The following PRMT3 variants were observed in gnomAD, a reference collection of about 807,000 sequenced individuals.
PRMT3 encodes the protein protein arginine N-methyltransferase 3.
PRMT3 carries 62 observed loss-of-function variants against 71.9 expected under a neutral mutation model. That is an observed-to-expected ratio of 0.86 (90% CI 0.70 to 1.07). The LOEUF is 1.07. PRMT3 is among the 50% of genes least tolerant of loss of function. The probability of loss-of-function intolerance (pLI) is 0.00; values close to 1 mark genes in which losing one functional copy is unlikely to be tolerated. For synonymous variants in PRMT3, 213 were observed against 220.4 expected, an observed-to-expected ratio of 0.97 and a Z score of 0.30; for missense variants, 663 against 643.0, an observed-to-expected ratio of 1.03 and a Z score of -0.34.
Position 20,397,735 on chromosome 11 carries a change from A to G in PRMT3, c.705+14A>G. The G allele has an allele frequency of 5.0e-6, 8 of 1,612,966 alleles. No individual in the cohort carries two copies. The highest frequency in any genetic ancestry group is 6.8e-6 in the Non-Finnish European group (8 of 1,179,462). On this transcript the variant is annotated intron_variant, in intron 7 of 15. Transcript: ENST00000331079. Reference sequence around the variant, plus strand: ...GAAATGCTAAAGGTTAGAAAAGAACACAAATGCGTCAAATCCATACTAAAG... The same window carrying G: ...GAAATGCTAAAGGTTAGAAAAGAACGCAAATGCGTCAAATCCATACTAAAG...
At chr11:20,399,417 C>T (rs1848900722) in intron 7 of PRMT3, among the ~76,000 whole-genome samples, 1 of 152,056 alleles carries the variant, frequency 6.6e-6, no homozygotes. Context: ...TAGGTAATGG[C>T]ATAACATTAT....
intron 13 of PRMT3, among the ~76,000 whole-genome samples, chr11:20,490,502 C>T (rs964864578): frequency 2.6e-4 from 39 of 151,442 alleles, no homozygotes; most frequent in Admixed American, 1.1e-3. Flanking sequence ...TGTGGCTGGA[C>T]GTGGTGGCTC....
intron 10 of PRMT3, among the ~76,000 whole-genome samples, chr11:20,450,688 C>A (rs534432514): frequency 7.2e-5 from 11 of 152,222 alleles, no homozygotes; most frequent in African/African-American, 2.2e-4. Flanking sequence ...GAGTTGCCGG[C>A]AATTCAGTTC....
intron 9 of PRMT3, among the ~76,000 whole-genome samples, chr11:20,413,886 T>A (rs1849247265): frequency 6.6e-6 from 1 of 152,128 alleles, no homozygotes. Context: ...GGCTCTAAGT[T>A]GTCCTTATCC....
Position 20,464,443 on chromosome 11 carries a change from T to C in PRMT3, c.1261-17T>C. The stretch of plus-strand genomic sequence containing the variant: ...TATTTTTACTAAGCTCTTTCTTCAC[T>C]TCTTTTTAATGGGTAGCATATAGAT... On this transcript the variant is annotated splice_polypyrimidine_tract_variant and intron_variant, in intron 12 of 15. Transcript: ENST00000331079. The C allele has an allele frequency of 1.3e-6, 2 of 1,570,850 alleles. No individual in the cohort carries two copies. The highest frequency in any genetic ancestry group is 2.4e-5 in the South Asian group (2 of 83,018).
intron 13 of PRMT3, among the ~76,000 whole-genome samples, chr11:20,466,207 AT>A (rs1447824070): frequency 6.6e-6 from 1 of 152,148 alleles, no homozygotes; most frequent in Non-Finnish European, 1.5e-5. Flanking sequence ...AAACTGAGAG[AT>A]TTGTTAGAGG....
intron 8 of PRMT3, chr11:20,405,798 T>G (rs1424614209): frequency 6.6e-6 from 1 of 152,224 alleles, no homozygotes; most frequent in East Asian, 1.9e-4. Flanking sequence ...GTGTTTTTTC[T>G]TATGGTAAAT....
chr11:20,507,429 T>C (rs1333306929), intron 15 of PRMT3, among the ~76,000 whole-genome samples: 3 of 150,170 alleles, frequency 2.0e-5, no homozygotes, highest in African/African-American at 7.4e-5. Flanking sequence ...TTTACTCACT[T>C]TCACAAGGAT....
chr11:20,449,151 A>T (rs1389000178), intron 10 of PRMT3, among the ~76,000 whole-genome samples: 1 of 152,178 alleles, frequency 6.6e-6, no homozygotes, highest in Non-Finnish European at 1.5e-5. Flanking sequence ...TACGTATGTG[A>T]ATCTTTTCAT....
intron 9 of PRMT3, among the ~76,000 whole-genome samples, chr11:20,420,497 A>G (rs1268521955): frequency 6.6e-6 from 1 of 152,148 alleles, no homozygotes; most frequent in Non-Finnish European, 1.5e-5. Context: ...TAATCGTCTG[A>G]GCGCCACCTC....
intron 10 of PRMT3, among the ~76,000 whole-genome samples, chr11:20,427,280 G>A (rs910978748): frequency 6.6e-6 from 1 of 152,116 alleles, no homozygotes; most frequent in South Asian, 2.1e-4. Context: ...TTTCTAATCT[G>A]TTGGGCCATG....
intron 13 of PRMT3, among the ~76,000 whole-genome samples, chr11:20,484,011 C>A (rs1312409968): frequency 2.0e-5 from 3 of 152,172 alleles, no homozygotes; most frequent in Non-Finnish European, 4.4e-5. Flanking sequence ...AAGGTTGGGA[C>A]AGGTTGACCA....
intron 10 of PRMT3, among the ~76,000 whole-genome samples, chr11:20,430,988 C>T (rs1317629746): frequency 6.6e-6 from 1 of 152,120 alleles, no homozygotes; most frequent in Non-Finnish European, 1.5e-5. Context: ...TTTCTGCCTA[C>T]TTAATAAAAC....
chr11:20,505,126 A>G lies in PRMT3; in HGVS notation c.1487-3178A>G, dbSNP rs7125493. On this transcript the variant is annotated intron_variant, in intron 15 of 15. Coordinates refer to ENST00000331079, the MANE Select transcript of PRMT3 (RefSeq NM_005788.4). Reference sequence around the variant, plus strand: ...AATTTTTATACCTTGATCCTAAATCATAAGACCTTGCTTAAACTTCAATAA... The same window carrying G: ...AATTTTTATACCTTGATCCTAAATCGTAAGACCTTGCTTAAACTTCAATAA... Among the ~76,000 whole-genome samples, 236 of 152,340 alleles carry G rather than the reference A, an allele frequency of 1.5e-3. 1 individual carries two copies. Among genetic ancestry groups the G allele is most frequent in the African/African-American group, 5.5e-3 (227 of 41,576 alleles).
chr11:20,434,449 C>T (rs1849720807), intron 10 of PRMT3, among the ~76,000 whole-genome samples: 1 of 152,122 alleles, frequency 6.6e-6, no homozygotes, highest in African/African-American at 2.4e-5. Flanking sequence ...AAATCTTTGC[C>T]TGTTCCTATG....
intron 13 of PRMT3, among the ~76,000 whole-genome samples, chr11:20,492,527 C>T (rs1851231612): frequency 1.3e-5 from 2 of 152,042 alleles, no homozygotes; most frequent in Non-Finnish European, 2.9e-5. Context: ...TTAACCCTAC[C>T]AGATCAATAA....
At chr11:20,396,678 T>C (rs1229171199) in intron 6 of PRMT3, among the ~76,000 whole-genome samples, 1 of 152,056 alleles carries the variant, frequency 6.6e-6, no homozygotes, top group Admixed American at 6.6e-5. Flanking sequence ...AATTATGGTG[T>C]AGTATGAACC....
At chr11:20,388,572 C>G (rs1253865232) in intron 2 of PRMT3, among the ~76,000 whole-genome samples, 1 of 152,200 alleles carries the variant, frequency 6.6e-6, no homozygotes, top group Non-Finnish European at 1.5e-5. Context: ...GGCAGCCACC[C>G]TGAACTAGAT....
chr11:20,429,584 G>A (rs749324719), intron 10 of PRMT3, among the ~76,000 whole-genome samples: 3 of 152,342 alleles, frequency 2.0e-5, no homozygotes, highest in East Asian at 1.9e-4. Context: ...AAGGTTCTTC[G>A]AAACCAGTAA....
Sources: allele counts gnomAD v4.1 joint callset (sites outside exome capture counted in the v4.1 genomes callset), GRCh38; gene constraint gnomAD v4.1.1; transcripts MANE v1.5; gene names NCBI Gene and HGNC (gene_info 2026-07-23, HGNC 2026-07-21).